The following TENT2 variants were observed in gnomAD, a reference collection of about 807,000 sequenced individuals.
The protein encoded by TENT2 is terminal nucleotidyltransferase 2, also known as poly(A) RNA polymerase GLD2.
Under a neutral mutation model 72.2 loss-of-function variants are expected in TENT2, and 44 were observed. The observed-to-expected ratio is 0.61, with a 90% CI of 0.48 to 0.78. TENT2 has a LOEUF of 0.78. Ranked by LOEUF, TENT2 falls within the 30% of genes least tolerant of loss-of-function variation. The probability of loss-of-function intolerance (pLI) is 0.00; values close to 1 mark genes in which losing one functional copy is unlikely to be tolerated. For missense variants in TENT2, 541 were observed against 569.6 expected, an observed-to-expected ratio of 0.95 and a Z score of 0.51; for synonymous variants, 212 against 192.5, an observed-to-expected ratio of 1.10 and a Z score of -0.84.
chr5:79,649,132 C>T lies in TENT2; in HGVS notation c.969C>T (p.Ala323=). ...KWASHHQIND[A]SRGTLSSYSL... is the part of the protein sequence containing the mutation. ...CAAGTCACCATCAGATAAATGATGC[C>T]AGTCGTGGTACTTTAAGCAGCTATA... Residue 323 remains alanine (A), a synonymous_variant, in exon 10 of 15, where the codon GCC becomes GCT. Transcript: ENST00000453514. The T allele has an allele frequency of 1.2e-6, 2 of 1,613,382 alleles. No individual in the cohort carries two copies. Among genetic ancestry groups the T allele is most frequent in the Non-Finnish European group, 1.7e-6 (2 of 1,179,592 alleles).
At chr5:79,657,827 A>G (rs148483081) in intron 11 of TENT2, among the ~76,000 whole-genome samples, 5 of 152,314 alleles carry the variant, frequency 3.3e-5, no homozygotes, top group African/African-American at 1.2e-4. Context: ...TATTGGTTTC[A>G]TATACTTATA....
Position 79,620,031 on chromosome 5 carries a change from G to A in TENT2, c.175G>A (p.Gly59Arg). 6.2e-7 allele frequency: 1 copy of A among 1,611,854 alleles called. No homozygotes were observed. The highest frequency in any genetic ancestry group is 8.5e-7 in the Non-Finnish European group (1 of 1,178,660). ...TGTGTCATTACAGCAGCTGACATAT[G>A]GAAATGTCAGTCCAATACAGACCTC... ...RAVSLQQLTY[G>R]NVSPIQTSAS... Residue 59 changes from glycine (G) to arginine (R), a missense_variant, in exon 3 of 15, where the codon GGA (glycine) becomes AGA (arginine). Transcript: ENST00000453514.
At chr5:79,658,055 T>C (rs180699855) in intron 11 of TENT2, among the ~76,000 whole-genome samples, 1 of 152,340 alleles carries the variant, frequency 6.6e-6, no homozygotes, top group African/African-American at 2.4e-5. Context: ...AATGCACACA[T>C]GCAAGGTGCT....
At chr5:79,621,781 A>C (rs78490261) in intron 3 of TENT2, among the ~76,000 whole-genome samples, 1 of 148,728 alleles carries the variant, frequency 6.7e-6, no homozygotes, top group East Asian at 2.0e-4. Flanking sequence ...AACAAAAAAA[A>C]CAAAACTCCA....
intron 11 of TENT2, among the ~76,000 whole-genome samples, chr5:79,661,879 G>T (rs1355298645): frequency 6.6e-6 from 1 of 152,154 alleles, no homozygotes; most frequent in Non-Finnish European, 1.5e-5. Context: ...ACGTACAGTA[G>T]AACGTCCTTT....
intron 8 of TENT2, among the ~76,000 whole-genome samples, chr5:79,646,288 A>G (rs1788945896): frequency 6.6e-6 from 1 of 152,196 alleles, no homozygotes. Context: ...TCCACTGTTA[A>G]TGAATCAACC....
chr5:79,642,740 T>G (rs1785427143), intron 6 of TENT2, 92 bp from the exon 7 acceptor site: 1 of 956,878 alleles, frequency 1.0e-6, no homozygotes, highest in Admixed American at 2.4e-5. Flanking sequence ...AAAGTATATC[T>G]TGTATGTTTT....
At chr5:79,617,025 T>C (rs1159819497) in intron 1 of TENT2, among the ~76,000 whole-genome samples, 5 of 152,090 alleles carry the variant, frequency 3.3e-5, no homozygotes, top group Admixed American at 3.3e-4. Flanking sequence ...TCTCCCCTGT[T>C]GTCTCTCATA....
chr5:79,685,060 A>G (rs1825541297), intron 14 of TENT2, 139 bp from the exon 15 acceptor site: 2 of 704,734 alleles, frequency 2.8e-6, no homozygotes, highest in Non-Finnish European at 4.6e-6. Context: ...CTTATCTCAA[A>G]AAAAGAAAAA....
chr5:79,638,311 G>T (rs1402912585), intron 4 of TENT2, among the ~76,000 whole-genome samples: 1 of 152,012 alleles, frequency 6.6e-6, no homozygotes, highest in Non-Finnish European at 1.5e-5. Flanking sequence ...CCTTTCACCT[G>T]CCCTGCCTGG....
chr5:79,616,889 A>G (rs113420244), intron 1 of TENT2, among the ~76,000 whole-genome samples: 4 of 152,188 alleles, frequency 2.6e-5, no homozygotes, highest in Admixed American at 6.5e-5. Flanking sequence ...ACAATCTGTT[A>G]TGAACCCTGG....
At chr5:79,625,138 C>CCCTAATG (rs746117490) in intron 4 of TENT2, among the ~76,000 whole-genome samples, 5 of 152,284 alleles carry the variant, frequency 3.3e-5, no homozygotes, top group Non-Finnish European at 7.4e-5. Context: ...ATTTGCATTT[C>CCCTAATG]CCTAATGCCT....
intron 4 of TENT2, among the ~76,000 whole-genome samples, chr5:79,637,811 T>C (rs1781312817): frequency 6.6e-6 from 1 of 150,908 alleles, no homozygotes; most frequent in Non-Finnish European, 1.5e-5. Context: ...TTTTTTTTTT[T>C]TTTTGTGACG....
rs192101532 is a variant in TENT2, at chr5:79,631,567, G to A, written c.465+8078G>A. Reference sequence around the variant, plus strand: ...GGAAGAGAGTCTATGTCCAAGACTCGTTGAAATCGGTTGAGGAAAGAATAG... The same window carrying A: ...GGAAGAGAGTCTATGTCCAAGACTCATTGAAATCGGTTGAGGAAAGAATAG... On this transcript the variant is annotated intron_variant, in intron 4 of 14. Coordinates refer to ENST00000453514, the MANE Select transcript of TENT2 (RefSeq NM_001114394.3). Among the ~76,000 whole-genome samples the A allele has an allele frequency of 2.5e-3, 375 of 152,318 alleles. 1 individual carries two copies. The highest frequency in any genetic ancestry group is 3.6e-3 in the Non-Finnish European group (245 of 68,038).
chr5:79,659,455 C>T (rs1455778830), intron 11 of TENT2, among the ~76,000 whole-genome samples: 13 of 142,188 alleles, frequency 9.1e-5, no homozygotes, highest in African/African-American at 2.7e-5. Flanking sequence ...TTGCTTGAAC[C>T]TGGGAGGCGG....
Position 79,686,725 on chromosome 5 carries a change from A to C in TENT2, c.*1452A>C, listed in dbSNP as rs1200890473. 6.6e-6 allele frequency: 1 copy of C among 152,120 alleles called. No homozygotes were observed. Among genetic ancestry groups the C allele is most frequent in the Non-Finnish European group, 1.5e-5 (1 of 68,012 alleles). The allele number at this position is 152,120 out of a possible 1,614,324, so 9.4% of individuals were successfully genotyped here. A position where few individuals can be genotyped will look rare whatever the true frequency, so the allele number is the denominator to read the frequency against. On this transcript the variant is annotated 3_prime_UTR_variant, in exon 15 of 15. Transcript: ENST00000453514. ...TGTAGTTATCATCTAGAACTGAACT[A>C]AATCTACTTATTAGCCAGCTAACGA...
rs1198120681 is a variant in TENT2, at chr5:79,645,183, A to T, written c.812A>T (p.Asp271Val). 6.2e-7 allele frequency: 1 copy of T among 1,606,688 alleles called. No individual in the cohort carries two copies. The highest frequency in any genetic ancestry group is 1.1e-5 in the South Asian group (1 of 89,686). Reference sequence around the variant, plus strand: ...AAAGTGCCAATTGTGAAGTTCAGGGATAAAGTCAGGTAAATAATTAATGAG... The same window carrying T: ...AAAGTGCCAATTGTGAAGTTCAGGGTTAAAGTCAGGTAAATAATTAATGAG... Reference protein sequence around the residue: ...RAKVPIVKFRDKVSCVEFDLN... With the variant: ...RAKVPIVKFRVKVSCVEFDLN... Residue 271 changes from aspartate to valine, a missense_variant, in exon 8 of 15, where the codon GAT becomes GTT. Transcript: ENST00000453514.
rs1045410221 is a variant in TENT2, at chr5:79,687,069, CCAT to C, written c.*1797_*1799del. 6.6e-6 allele frequency among the ~76,000 whole-genome samples: 1 copy of C among 152,094 alleles called. No individual in the cohort carries two copies. Among genetic ancestry groups the C allele is most frequent in the Non-Finnish European group, 1.5e-5 (1 of 68,000 alleles). ...TTTCCTAATAAAACCCCAGAATTTACCATGGTGTGGGTTCCTTCACTGTCACTG... is the reference window on the plus strand; with the variant it reads ...TTTCCTAATAAAACCCCAGAATTTACGGTGTGGGTTCCTTCACTGTCACTG... On this transcript the variant is annotated 3_prime_UTR_variant, in exon 15 of 15. Transcript: ENST00000453514.
rs1393079491 is a variant in TENT2 at position 79,649,161 on chromosome 5, T to G, written c.998T>G (p.Leu333Arg). 5 of 1,613,424 alleles carry G rather than the reference T, an allele frequency of 3.1e-6. No homozygotes were observed. The highest frequency in any genetic ancestry group is 4.2e-6 in the Non-Finnish European group (5 of 1,179,644). ...ASRGTLSSYS[L>R]VLMVLHYLQT... ...CGTGGTACTTTAAGCAGCTATAGTCTTGTATTGATGGTTTTGCACTATTTA... is the reference window on the plus strand; with the variant it reads ...CGTGGTACTTTAAGCAGCTATAGTCGTGTATTGATGGTTTTGCACTATTTA... Residue 333 changes from leucine (L) to arginine (R), a missense_variant, in exon 10 of 15, where the codon CTT becomes CGT. Transcript: ENST00000453514.
Sources: allele counts gnomAD v4.1 joint callset (sites outside exome capture counted in the v4.1 genomes callset), GRCh38; gene constraint gnomAD v4.1.1; transcripts MANE v1.5; gene names NCBI Gene and HGNC (gene_info 2026-07-23, HGNC 2026-07-21).